The following BTBD16 variants were observed in gnomAD, a reference collection of about 807,000 sequenced individuals.
BTBD16 encodes the protein BTB/POZ domain-containing protein 16.
Under a neutral mutation model 67.4 loss-of-function variants are expected in BTBD16, and 66 were observed. The ratio of observed to expected loss-of-function variants is 0.98; its 90% CI spans 0.80 to 1.20. BTBD16 has a LOEUF of 1.20. BTBD16 is among the 50% of genes most tolerant of loss of function. BTBD16 has a pLI of 0.00. For missense variants in BTBD16, 634 were observed against 616.0 expected (o/e 1.03, Z -0.31); for synonymous variants, 242 against 236.4 (o/e 1.02, Z -0.22).
intron 10 of BTBD16, among the ~76,000 whole-genome samples, chr10:122,328,104 G>A (rs2096448515): frequency 6.6e-6 from 1 of 152,174 alleles, no homozygotes; most frequent in African/African-American, 2.4e-5. Flanking sequence ...CGCCTCAGCT[G>A]TTCCTCCATG....
intron 10 of BTBD16, among the ~76,000 whole-genome samples, chr10:122,322,127 T>TA (rs1462996291): frequency 1.3e-5 from 2 of 152,200 alleles, no homozygotes; most frequent in Non-Finnish European, 2.9e-5. Flanking sequence ...TTCATTTTTT[T>TA]AAAAAACACC....
intron 1 of BTBD16, among the ~76,000 whole-genome samples, chr10:122,273,221 G>GATAGATATATAT (rs1034902866): frequency 1.5e-5 from 2 of 129,484 alleles, no homozygotes; most frequent in East Asian, 4.5e-4. Context: ...GCAACACAAA[G>GATAGATATATAT]ATATATATAT....
intron 2 of BTBD16, 143 bp downstream of exon 2, chr10:122,275,242 G>A (rs1036583081): frequency 1.4e-5 from 11 of 803,716 alleles, no homozygotes; most frequent in African/African-American, 5.1e-5. Flanking sequence ...GAAAGAGCGC[G>A]TCCAGGCAGC....
At chr10:122,329,867 G>T (rs2096452368) in intron 11 of BTBD16, among the ~76,000 whole-genome samples, 1 of 152,180 alleles carries the variant, frequency 6.6e-6, no homozygotes, top group African/African-American at 2.4e-5. Flanking sequence ...GCATCTAATT[G>T]TATGTCCTAC....
At chr10:122,282,985 G>C (rs911234597) in intron 3 of BTBD16, among the ~76,000 whole-genome samples, 1 of 152,222 alleles carries the variant, frequency 6.6e-6, no homozygotes, top group African/African-American at 2.4e-5. Flanking sequence ...CAGTTGGCAG[G>C]TCCAGGTGCA....
intron 9 of BTBD16, 91 bp from the exon 10 acceptor site, chr10:122,307,098 C>A: frequency 6.9e-7 from 1 of 1,446,700 alleles, no homozygotes; most frequent in South Asian, 1.4e-5. Flanking sequence ...GGTGTCACCT[C>A]ATTCCCAAAC....
intron 4 of BTBD16, 41 bp downstream of exon 4, chr10:122,283,965 G>T (rs764185515): frequency 4.1e-6 from 6 of 1,451,960 alleles, no homozygotes; most frequent in Non-Finnish European, 5.8e-6. Flanking sequence ...GAATGTTGCT[G>T]ATTTCAGGGG....
intron 3 of BTBD16, 34 bp downstream of exon 3, chr10:122,276,973 G>A (rs747117783): frequency 3.7e-6 from 6 of 1,600,770 alleles, no homozygotes; most frequent in African/African-American, 1.3e-5. Flanking sequence ...GGAGGGAATG[G>A]CCCATTATTC....
chr10:122,296,853 G>T (rs999646686), intron 7 of BTBD16, among the ~76,000 whole-genome samples: 3 of 152,376 alleles, frequency 2.0e-5, no homozygotes, highest in Non-Finnish European at 2.9e-5. Context: ...AGAGGGGACA[G>T]TGTGGAGCAG....
Position 122,299,537 on chromosome 10 carries a change from C to T in BTBD16, c.791+403C>T, listed in dbSNP as rs149285090. Among the ~76,000 whole-genome samples the T allele has an allele frequency of 7.2e-5, 11 of 152,128 alleles. No individual in the cohort carries two copies. The East Asian group carries it at 2.1e-3, about 29-fold the overall frequency. The stretch of plus-strand genomic sequence containing the variant: ...CCTCTGCTGAATAACTCTACACCCA[C>T]GTATCTGATCGCCTGCTTGACCTCT... On this transcript the variant is annotated intron_variant, in intron 9 of 15. Transcript: ENST00000260723.
chr10:122,316,962 T>C (rs1473781271), intron 10 of BTBD16, among the ~76,000 whole-genome samples: 1 of 152,152 alleles, frequency 6.6e-6, no homozygotes, highest in Non-Finnish European at 1.5e-5. Context: ...TAATTTTTTG[T>C]AATTTTAGTA....
chr10:122,309,433 C>T (rs533123299), intron 10 of BTBD16, among the ~76,000 whole-genome samples: 1 of 152,102 alleles, frequency 6.6e-6, no homozygotes, highest in African/African-American at 2.4e-5. Context: ...CAACCTCCGC[C>T]TCCCAGGTTC....
At chr10:122,297,465 T>G (rs1410280032) in intron 7 of BTBD16, among the ~76,000 whole-genome samples, 1 of 152,228 alleles carries the variant, frequency 6.6e-6, no homozygotes, top group African/African-American at 2.4e-5. Flanking sequence ...TTGGCTAAAA[T>G]CAAACCTCAT....
intron 3 of BTBD16, among the ~76,000 whole-genome samples, chr10:122,277,723 T>C (rs1345866253): frequency 6.6e-6 from 1 of 152,122 alleles, no homozygotes; most frequent in East Asian, 1.9e-4. Flanking sequence ...AACCCACCCC[T>C]GAGGGATGGT....
At chr10:122,336,790 C>A in intron 15 of BTBD16, 108 bp downstream of exon 15, 2 of 970,826 alleles carry the variant, frequency 2.1e-6, no homozygotes, top group African/African-American at 1.7e-5. Flanking sequence ...CTGAAGATCC[C>A]TGGAAAATCT....
At chr10:122,281,386 T>A (rs1030082337) in intron 3 of BTBD16, among the ~76,000 whole-genome samples, 2 of 152,076 alleles carry the variant, frequency 1.3e-5, no homozygotes, top group African/African-American at 4.8e-5. Flanking sequence ...TTTTTTTGTT[T>A]TGTTTTTTTA....
At chr10:122,307,358 C>G (rs1468528579) in intron 10 of BTBD16, 50 bp downstream of exon 10, 2 of 1,510,578 alleles carry the variant, frequency 1.3e-6, no homozygotes, top group African/African-American at 2.8e-5. Flanking sequence ...CTGAAATGTA[C>G]AAACACTGCT....
chr10:122,283,080 T>G (rs1160788002), intron 3 of BTBD16, among the ~76,000 whole-genome samples: 1 of 152,062 alleles, frequency 6.6e-6, no homozygotes, highest in African/African-American at 2.4e-5. Context: ...GCTAAGGAGT[T>G]TGGGCTTTCC....
Position 122,332,501 on chromosome 10 carries a change from G to A in BTBD16, c.1152G>A (p.Leu384=), listed in dbSNP as rs1450038552. 1.9e-6 allele frequency: 3 copies of A among 1,613,786 alleles called. No homozygotes were observed. Among genetic ancestry groups the A allele is most frequent in the Middle Eastern group, 3.3e-4 (2 of 6,062 alleles). ...DLNTQAVRFG[L]LFNQENTTYS... ...ACACCCAGGCTGTGAGATTTGGGCTGCTCTTTAACCAGGTACTGAGAACTG... is the reference window on the plus strand; with the variant it reads ...ACACCCAGGCTGTGAGATTTGGGCTACTCTTTAACCAGGTACTGAGAACTG... The change falls in exon 13 of 16, where the codon CTG becomes CTA. Residue 384 remains leucine (L), a synonymous_variant. Transcript: ENST00000260723.
Sources: allele counts gnomAD v4.1 joint callset (sites outside exome capture counted in the v4.1 genomes callset), GRCh38; gene constraint gnomAD v4.1.1; transcripts MANE v1.5; gene names NCBI Gene and HGNC (gene_info 2026-07-23, HGNC 2026-07-21).